The following TMEFF2 variants were observed in gnomAD, a reference collection of about 807,000 sequenced individuals.
TMEFF2 encodes the protein transmembrane protein with EGF like and two follistatin like domains 2.
A neutral mutation model predicts 53.8 loss-of-function variants in TMEFF2; 28 were observed. That is an observed-to-expected ratio of 0.52 (90% CI 0.39 to 0.71). TMEFF2 has a LOEUF of 0.71. Among genes scored for constraint, TMEFF2 ranks in the 30% least tolerant of loss-of-function variants. The pLI, the probability that TMEFF2 is intolerant of heterozygous loss-of-function variation, is 0.00. For missense variants in TMEFF2, 353 were observed against 455.2 expected (o/e 0.78, Z 2.04); for synonymous variants, 162 against 166.3 (o/e 0.97, Z 0.20).
chr2:192,106,414 TATAGA>T (rs1316047157), intron 4 of TMEFF2, among the ~76,000 whole-genome samples: 1 of 151,804 alleles, frequency 6.6e-6, no homozygotes, highest in African/African-American at 2.4e-5. Flanking sequence ...TGTTTCTTAT[TATAGA>T]ATAAATGTAT....
intron 4 of TMEFF2, among the ~76,000 whole-genome samples, chr2:192,094,861 T>C (rs1688867742): frequency 6.6e-6 from 1 of 152,210 alleles, no homozygotes; most frequent in African/African-American, 2.4e-5. Context: ...TAATCAATAA[T>C]AACTGTAAAA....
At chr2:192,056,385 G>A (rs1687910361) in intron 5 of TMEFF2, among the ~76,000 whole-genome samples, 1 of 151,866 alleles carries the variant, frequency 6.6e-6, no homozygotes, top group South Asian at 2.1e-4. Flanking sequence ...GAGAAGAAGA[G>A]GAAGTGGAAG....
rs573418329 is a variant in TMEFF2 at position 192,074,235 on chromosome 2, A to G, written c.440-16460T>C. Among the ~76,000 whole-genome samples, 53 of 152,056 alleles carry G rather than the reference A, an allele frequency of 3.5e-4. 1 individual carries two copies. The South Asian group carries it at 0.01, about 30-fold the overall frequency. ...TTAAGTTGCTGCTATTAGTTCTGAG[A>G]AGGTTTGACTCACTTTTGTAATAAT... is the stretch of plus-strand genomic sequence containing the variant. On this transcript the variant is annotated intron_variant, in intron 4 of 9. Transcript: ENST00000272771.
At chr2:192,014,104 A>G (rs1222041139) in intron 5 of TMEFF2, among the ~76,000 whole-genome samples, 1 of 152,234 alleles carries the variant, frequency 6.6e-6, no homozygotes, top group Non-Finnish European at 1.5e-5. Context: ...GTGGATGTGC[A>G]ATAGATATTT....
intron 5 of TMEFF2, chr2:192,029,279 C>G (rs1288220966): frequency 2.0e-5 from 3 of 152,148 alleles, no homozygotes; most frequent in Non-Finnish European, 4.4e-5. Flanking sequence ...GATCTTCCCC[C>G]TGCTGAGCCT....
At chr2:192,097,798 C>T (rs1377877893) in intron 4 of TMEFF2, among the ~76,000 whole-genome samples, 1 of 152,064 alleles carries the variant, frequency 6.6e-6, no homozygotes, top group Non-Finnish European at 1.5e-5. Context: ...GCATTCAAAG[C>T]TCGTATTAGC....
rs572059866 is a variant in TMEFF2, at chr2:192,148,567, T to C, written c.439+31101A>G. On this transcript the variant is annotated intron_variant, in intron 4 of 9. Coordinates refer to ENST00000272771, the MANE Select transcript of TMEFF2 (RefSeq NM_016192.4). ...TAGGGCTGTGTGATATGTCATTGACTATCAGAAGGCCCTTAAACTGTTTAC... is the reference window on the plus strand; with the variant it reads ...TAGGGCTGTGTGATATGTCATTGACCATCAGAAGGCCCTTAAACTGTTTAC... Among the ~76,000 whole-genome samples, 11 of 152,084 alleles carry C rather than the reference T, an allele frequency of 7.2e-5. No homozygotes were observed. In the East Asian group the frequency reaches 2.1e-3, roughly 29 times the overall value.
chr2:192,076,695 T>C (rs913464996), intron 4 of TMEFF2, among the ~76,000 whole-genome samples: 3 of 152,134 alleles, frequency 2.0e-5, no homozygotes, highest in Non-Finnish European at 2.9e-5. Context: ...CACCACCTCA[T>C]TGGTAAGTGG....
chr2:192,091,339 T>G (rs940120482), intron 4 of TMEFF2, among the ~76,000 whole-genome samples: 2 of 152,096 alleles, frequency 1.3e-5, no homozygotes, highest in Non-Finnish European at 2.9e-5. Flanking sequence ...GATCAGGACA[T>G]TAGATCAGTT....
chr2:192,055,943 G>A (rs1687898844), intron 5 of TMEFF2, among the ~76,000 whole-genome samples: 1 of 152,122 alleles, frequency 6.6e-6, no homozygotes, highest in Admixed American at 6.5e-5. Context: ...CTCTACTGCT[G>A]TCTGATTTTA....
chr2:192,110,852 A>G (rs1038319187), intron 4 of TMEFF2, among the ~76,000 whole-genome samples: 2 of 152,102 alleles, frequency 1.3e-5, no homozygotes, highest in African/African-American at 4.8e-5. Flanking sequence ...TAACTGAATC[A>G]TGGGGGCAGT....
chr2:191,966,574 G>C (rs1692478927), intron 7 of TMEFF2, among the ~76,000 whole-genome samples: 1 of 152,154 alleles, frequency 6.6e-6, no homozygotes, highest in Non-Finnish European at 1.5e-5. Context: ...TGTGTGTATA[G>C]CATTGTCCAG....
At chr2:192,037,695 C>G (rs1287695680) in intron 5 of TMEFF2, among the ~76,000 whole-genome samples, 1 of 151,628 alleles carries the variant, frequency 6.6e-6, no homozygotes, top group Non-Finnish European at 1.5e-5. Context: ...TGGCACTTAT[C>G]TGTTATAGCA....
chr2:192,031,974 A>G (rs1687149549), intron 5 of TMEFF2: 1 of 152,238 alleles, frequency 6.6e-6, no homozygotes, highest in Non-Finnish European at 1.5e-5. Context: ...AAGCAAGAGT[A>G]AAAGATTGAC....
intron 7 of TMEFF2, among the ~76,000 whole-genome samples, chr2:191,973,942 C>T (rs1194624031): frequency 6.6e-6 from 1 of 152,128 alleles, no homozygotes; most frequent in Non-Finnish European, 1.5e-5. Flanking sequence ...TGTAAGTTTC[C>T]TGAGGCCTCC....
At chr2:191,985,932 C>T (rs1685964804) in intron 7 of TMEFF2, among the ~76,000 whole-genome samples, 1 of 152,132 alleles carries the variant, frequency 6.6e-6, no homozygotes. Flanking sequence ...CATTCCTGTC[C>T]TTCCCAGAAG....
At chr2:192,016,116 T>C (rs1218121182) in intron 5 of TMEFF2, among the ~76,000 whole-genome samples, 1 of 152,134 alleles carries the variant, frequency 6.6e-6, no homozygotes, top group Non-Finnish European at 1.5e-5. Context: ...ATGGTACCAA[T>C]ATTTGGGGTT....
intron 5 of TMEFF2, among the ~76,000 whole-genome samples, chr2:192,018,181 G>A (rs1686783953): frequency 6.6e-6 from 1 of 152,040 alleles, no homozygotes; most frequent in Non-Finnish European, 1.5e-5. Flanking sequence ...GGCAGTTTTT[G>A]TTTATCTGAG....
intron 4 of TMEFF2, among the ~76,000 whole-genome samples, chr2:192,093,564 A>C (rs914093157): frequency 6.6e-6 from 1 of 152,174 alleles, no homozygotes; most frequent in African/African-American, 2.4e-5. Flanking sequence ...CCAAATCTGA[A>C]TTCCAAGACT....
Sources: allele counts gnomAD v4.1 joint callset (sites outside exome capture counted in the v4.1 genomes callset), GRCh38; gene constraint gnomAD v4.1.1; transcripts MANE v1.5; gene names NCBI Gene and HGNC (gene_info 2026-07-23, HGNC 2026-07-21).